MBD5: variants seen among roughly 807,000 people sequenced by gnomAD.
The protein encoded by MBD5 is methyl-CpG binding domain protein 5, also known as methyl-CpG-binding domain protein 5.
Under a neutral mutation model 117.3 loss-of-function variants are expected in MBD5, and 13 were observed. That is an observed-to-expected ratio of 0.11 (90% CI 0.07 to 0.18). The LOEUF (loss-of-function observed/expected upper bound fraction) is 0.18. Among genes scored for constraint, MBD5 ranks in the 10% least tolerant of loss-of-function variants. The pLI, the probability that MBD5 is intolerant of heterozygous loss-of-function variation, is 1.00. For missense variants in MBD5, 1,879 were observed against 2,093.8 expected (o/e 0.90, Z 2.00); for synonymous variants, 727 against 766.4 (o/e 0.95, Z 0.85).
intron 4 of MBD5, among the ~76,000 whole-genome samples, chr2:148,429,141 A>G (rs1705903013): frequency 6.6e-6 from 1 of 151,430 alleles, no homozygotes; most frequent in African/African-American, 2.4e-5. Flanking sequence ...AGTTAAACAA[A>G]TTTACAAGAA....
chr2:148,477,439 A>G (rs1262591394), intron 8 of MBD5, among the ~76,000 whole-genome samples: 1 of 152,194 alleles, frequency 6.6e-6, no homozygotes, highest in African/African-American at 2.4e-5. Context: ...ATTGCTGCTA[A>G]AAGAATGTTA....
At chr2:148,418,764 G>A (rs1196285701) in intron 4 of MBD5, among the ~76,000 whole-genome samples, 1 of 151,978 alleles carries the variant, frequency 6.6e-6, no homozygotes, top group East Asian at 1.9e-4. Flanking sequence ...TTCATGAATT[G>A]GAAAAAACAA....
In MBD5 at chr2:148,207,530, C is replaced by G. The variant is rs189326470; in HGVS notation, c.-830-25715C>G. Among the ~76,000 whole-genome samples the G allele has an allele frequency of 2.0e-4, 31 of 151,926 alleles. No homozygotes were observed. The East Asian group carries it at 5.6e-3, about 28-fold the overall frequency. ...TTGGAAAAGTTACTAATTGTCCCCT[C>G]AGTCCATAACAGATCATTCGAGGGT... On this transcript the variant is annotated intron_variant, in intron 2 of 13. Coordinates refer to ENST00000642680, the MANE Select transcript of MBD5 (RefSeq NM_001378120.1).
At chr2:148,499,679 T>A (rs1320907304) in intron 11 of MBD5, among the ~76,000 whole-genome samples, 1 of 152,228 alleles carries the variant, frequency 6.6e-6, no homozygotes, top group Non-Finnish European at 1.5e-5. Context: ...TACATTTATG[T>A]ATTTGATTTC....
chr2:148,220,935 A>G lies in MBD5; in HGVS notation c.-830-12310A>G, dbSNP rs1377464864. The stretch of plus-strand genomic sequence containing the variant: ...ATCCCCACGTATCCCCAACCCTCCA[A>G]CTACCCTTCCCAACATCTGGTAACC... On this transcript the variant is annotated intron_variant, in intron 2 of 13. Coordinates refer to ENST00000642680, the MANE Select transcript of MBD5 (RefSeq NM_001378120.1). Among the ~76,000 whole-genome samples, 3 of 152,062 alleles carry G rather than the reference A, an allele frequency of 2.0e-5. No homozygotes were observed. The East Asian group carries it at 5.8e-4, about 29-fold the overall frequency.
At position 148,416,602 on chromosome 2, in the gene MBD5, C is replaced by T. The variant is rs182640173; in HGVS notation, c.-556-41601C>T. Among the ~76,000 whole-genome samples the T allele has an allele frequency of 1.2e-3, 175 of 152,110 alleles. 1 individual carries two copies. Among genetic ancestry groups the T allele is most frequent in the African/African-American group, 3.3e-3 (139 of 41,496 alleles). ...CTTTTGTATTAGGACATTTGCTTTTCGGTTTTTTATATATTTAATTTTTTT... is the reference window on the plus strand; with the variant it reads ...CTTTTGTATTAGGACATTTGCTTTTTGGTTTTTTATATATTTAATTTTTTT... On this transcript the variant is annotated intron_variant, in intron 4 of 13. Coordinates refer to ENST00000642680, the MANE Select transcript of MBD5 (RefSeq NM_001378120.1).
intron 8 of MBD5, among the ~76,000 whole-genome samples, chr2:148,480,831 G>C (rs950456230): frequency 1.3e-5 from 2 of 151,638 alleles, no homozygotes; most frequent in East Asian, 3.9e-4. Context: ...TTTTCAAAGA[G>C]GAGTTTTTAA....
chr2:148,063,005 T>C (rs923441366), intron 1 of MBD5, among the ~76,000 whole-genome samples: 3 of 152,176 alleles, frequency 2.0e-5, no homozygotes, highest in African/African-American at 7.2e-5. Context: ...GCGGATTCCT[T>C]GAGATCTATG....
chr2:148,295,014 C>T (rs1196425745), intron 3 of MBD5, among the ~76,000 whole-genome samples: 1 of 152,178 alleles, frequency 6.6e-6, no homozygotes, highest in African/African-American at 2.4e-5. Context: ...TTTGATGTGT[C>T]TGAGTATGAT....
chr2:148,255,798 A>T (rs1700576042), intron 3 of MBD5, among the ~76,000 whole-genome samples: 1 of 152,234 alleles, frequency 6.6e-6, no homozygotes, highest in Non-Finnish European at 1.5e-5. Flanking sequence ...TCAAGAGCCC[A>T]TTATATTGCC....
chr2:148,021,513 A>G lies in MBD5; in HGVS notation c.-1096A>G, dbSNP rs370715719. ...TGCTGCTGCTACTGCTGCTGCTGCT[A>G]CTGCTGCTGCTTGGCCCTGGCTGGA... is the stretch of plus-strand genomic sequence containing the variant. On this transcript the variant is annotated 5_prime_UTR_variant, in exon 1 of 14. Transcript: ENST00000642680. 3.4e-4 allele frequency: 191 copies of G among 567,594 alleles called. 8 individuals are homozygous for G. The highest frequency in any genetic ancestry group is 1.8e-3 in the East Asian group (39 of 21,952). The allele number at this position is 567,594 out of a possible 1,614,324, so 35.2% of individuals were successfully genotyped here.
chr2:148,231,195 C>T (rs2106140060), intron 2 of MBD5, among the ~76,000 whole-genome samples: 1 of 152,326 alleles, frequency 6.6e-6, no homozygotes, highest in East Asian at 1.9e-4. Context: ...CTTTAGCCTG[C>T]ACTGATGAGG....
At chr2:148,313,650 G>C (rs570787205) in intron 3 of MBD5, among the ~76,000 whole-genome samples, 2 of 152,120 alleles carry the variant, frequency 1.3e-5, no homozygotes, top group South Asian at 2.1e-4. Context: ...GGGAGTGAAC[G>C]GTTCTGTCTC....
rs558499453 is a variant in MBD5 at position 148,236,305 on chromosome 2, GTATTTGTAAGGCAGATAC to G, written c.-680+2929_-680+2946del. On this transcript the variant is annotated intron_variant, in intron 3 of 13. Coordinates refer to ENST00000642680, the MANE Select transcript of MBD5 (RefSeq NM_001378120.1). ...AGATTGGTCAGAGGATTCACTATTT[GTATTTGTAAGGCAGATAC>G]TATTTGTAAGGCAGATACAGCCTTA... Among the ~76,000 whole-genome samples the G allele has an allele frequency of 3.3e-4, 50 of 152,210 alleles. No homozygotes were observed. The East Asian group carries it at 9.7e-3, about 29-fold the overall frequency.
chr2:148,065,361 G>A (rs1355002242), intron 1 of MBD5, among the ~76,000 whole-genome samples: 1 of 152,128 alleles, frequency 6.6e-6, no homozygotes, highest in African/African-American at 2.4e-5. Flanking sequence ...TAAGATTGGA[G>A]GAGGCTGGAC....
chr2:148,060,052 G>A (rs77974763), intron 1 of MBD5, among the ~76,000 whole-genome samples: 1,877 of 143,896 alleles, frequency 0.013, 50 homozygotes, highest in Admixed American at 0.064. Flanking sequence ...TTAGGAGGCC[G>A]AAGCAGGTGG....
In MBD5 at chr2:148,470,075, A is replaced by G; in HGVS notation, c.2132A>G (p.Gln711Arg). 1 of 1,613,914 alleles carries G rather than the reference A, an allele frequency of 6.2e-7. No individual in the cohort carries two copies. Among genetic ancestry groups the G allele is most frequent in the Non-Finnish European group, 8.5e-7 (1 of 1,179,896 alleles). Reference protein sequence around the residue: ...MSQLLQSMSCQSSHLSSNSTP... With the variant: ...MSQLLQSMSCRSSHLSSNSTP... ...CAGTTACTACAGTCTATGAGTTGTC[A>G]AAGCTCTCACTTGAGTAGCAATAGT... The change falls in exon 8 of 14, where the codon CAA becomes CGA. Residue 711 changes from glutamine (Q) to arginine (R), a missense_variant. Transcript: ENST00000642680.
intron 1 of MBD5, among the ~76,000 whole-genome samples, chr2:148,042,266 T>G (rs1694381390): frequency 6.6e-6 from 1 of 152,232 alleles, no homozygotes; most frequent in African/African-American, 2.4e-5. Flanking sequence ...GATACATCTC[T>G]GTCCTTTCTT....
chr2:148,354,739 A>G (rs906871924), intron 4 of MBD5, among the ~76,000 whole-genome samples: 1 of 152,192 alleles, frequency 6.6e-6, no homozygotes, highest in South Asian at 2.1e-4. Context: ...CCAACATGTA[A>G]AAGCATTCCT....
Sources: gnomAD v4.1 joint callset for allele counts (sites outside exome capture counted in the v4.1 genomes callset) on GRCh38, gnomAD v4.1.1 for gene constraint, MANE v1.5 for transcripts, NCBI Gene and HGNC (gene_info 2026-07-23, HGNC 2026-07-21) for gene names.